Variants in LDLRAD4 observed in about 807,000 individuals in gnomAD.
LDLRAD4 encodes low-density lipoprotein receptor class A domain-containing protein 4.
LDLRAD4 carries 5 observed loss-of-function variants against 17.0 expected under a neutral mutation model. The observed-to-expected ratio is 0.29, with a 90% CI of 0.15 to 0.62. The LOEUF is 0.62. Ranked by LOEUF, LDLRAD4 falls within the 20% of genes least tolerant of loss-of-function variation. The pLI, the probability that LDLRAD4 is intolerant of heterozygous loss-of-function variation, is 0.84. For synonymous variants in LDLRAD4, 168 were observed against 171.8 expected, an observed-to-expected ratio of 0.98 and a Z score of 0.17; for missense variants, 340 against 424.7, an observed-to-expected ratio of 0.80 and a Z score of 1.75.
At position 13,468,311 on chromosome 18, in the gene LDLRAD4, C is replaced by T. The variant is rs560783885; in HGVS notation, c.181+29927C>T. The stretch of plus-strand genomic sequence containing the variant: ...AAAACCCCAATGAGATACCATCCCA[C>T]ACCAGTCAGAATGGCGATCATTAAA... On this transcript the variant is annotated intron_variant, in intron 3 of 5. Transcript: ENST00000359446. Among the ~76,000 whole-genome samples the T allele has an allele frequency of 7.6e-4, 116 of 152,306 alleles. 1 individual carries two copies. The highest frequency in any genetic ancestry group is 2.7e-3 in the African/African-American group (111 of 41,562).
chr18:13,597,659 A>G (rs948052203), intron 3 of LDLRAD4, among the ~76,000 whole-genome samples: 4 of 152,130 alleles, frequency 2.6e-5, no homozygotes, highest in Admixed American at 2.0e-4. Flanking sequence ...TTATCAATCT[A>G]TAAGTTTGCT....
intron 4 of LDLRAD4, among the ~76,000 whole-genome samples, chr18:13,624,062 T>A (rs117961549): frequency 0.012 from 1,884 of 152,230 alleles, 11 homozygotes; most frequent in Middle Eastern, 0.031. Context: ...CAACAAAGAC[T>A]CATCTGTACA....
chr18:13,264,892 G>A (rs1423129735), intron 1 of LDLRAD4, among the ~76,000 whole-genome samples: 1 of 152,178 alleles, frequency 6.6e-6, no homozygotes, highest in Non-Finnish European at 1.5e-5. Context: ...ATTCGCAACT[G>A]GCCTATAAAC....
At chr18:13,640,366 T>C (rs2042440083) in intron 4 of LDLRAD4, among the ~76,000 whole-genome samples, 1 of 151,580 alleles carries the variant, frequency 6.6e-6, no homozygotes, top group Non-Finnish European at 1.5e-5. Flanking sequence ...CCTCCCATTT[T>C]AGATTTTTAA....
intron 1 of LDLRAD4, among the ~76,000 whole-genome samples, chr18:13,324,899 GCTCA>G (rs2081438036): frequency 6.6e-6 from 1 of 152,174 alleles, no homozygotes; most frequent in Admixed American, 6.5e-5. Context: ...TTTGATTTTC[GCTCA>G]CTGAATACAT....
chr18:13,380,515 G>A, intron 1 of LDLRAD4, among the ~76,000 whole-genome samples: 1 of 152,164 alleles, frequency 6.6e-6, no homozygotes. Context: ...ACAGGGGTCG[G>A]ATATATGACT....
intron 3 of LDLRAD4, among the ~76,000 whole-genome samples, chr18:13,505,194 C>G (rs900782533): frequency 6.6e-6 from 1 of 152,226 alleles, no homozygotes; most frequent in Non-Finnish European, 1.5e-5. Flanking sequence ...CAGTTAGATT[C>G]TCCCAGCAGA....
chr18:13,256,103 G>A (rs1281269483), intron 1 of LDLRAD4, among the ~76,000 whole-genome samples: 1 of 152,212 alleles, frequency 6.6e-6, no homozygotes, highest in Non-Finnish European at 1.5e-5. Context: ...AAGACGTGAT[G>A]TAAAGCACTT....
rs145114144 is a variant in LDLRAD4 at position 13,640,024 on chromosome 18, C to T, written c.337-3335C>T. On this transcript the variant is annotated intron_variant, in intron 4 of 5. Coordinates refer to ENST00000359446, the Ensembl canonical transcript of LDLRAD4. ...GAAACTGGCAAGGTGCGGTGGCTCACGCCTGTAATCCCAGCACTTTGGGAG... is the reference window on the plus strand; with the variant it reads ...GAAACTGGCAAGGTGCGGTGGCTCATGCCTGTAATCCCAGCACTTTGGGAG... Among the ~76,000 whole-genome samples the T allele has an allele frequency of 9.1e-3, 1,381 of 152,240 alleles. 24 individuals are homozygous for T. Among genetic ancestry groups the T allele is most frequent in the South Asian group, 0.055 (267 of 4,822 alleles).
chr18:13,456,370 C>T (rs2092134761), intron 3 of LDLRAD4, among the ~76,000 whole-genome samples: 2 of 152,196 alleles, frequency 1.3e-5, no homozygotes, highest in South Asian at 4.1e-4. Context: ...CCTCCTGCTC[C>T]CTGTGCACCT....
At chr18:13,289,321 T>C (rs1415866338) in intron 1 of LDLRAD4, among the ~76,000 whole-genome samples, 1 of 152,208 alleles carries the variant, frequency 6.6e-6, no homozygotes, top group Non-Finnish European at 1.5e-5. Context: ...ACTGAGGAAA[T>C]GAGAGATTAT....
intron 3 of LDLRAD4, among the ~76,000 whole-genome samples, chr18:13,512,454 T>C (rs910746374): frequency 1.3e-5 from 2 of 152,234 alleles, no homozygotes; most frequent in African/African-American, 4.8e-5. Context: ...GTTGTGTGCT[T>C]ACAATGTGGG....
exon 6 of LDLRAD4, chr18:13,648,353 AAT>A (rs1482864905): frequency 6.6e-6 from 1 of 152,242 alleles, no homozygotes; most frequent in Non-Finnish European, 1.5e-5. Flanking sequence ...GCCTTTGTTA[AAT>A]AGTTATTTAA....
At chr18:13,409,997 C>T (rs1046098181) in intron 2 of LDLRAD4, among the ~76,000 whole-genome samples, 30 of 152,184 alleles carry the variant, frequency 2.0e-4, no homozygotes, top group African/African-American at 6.8e-4. Context: ...CCCCAGGGCA[C>T]GACGCACTGA....
At chr18:13,610,604 A>C (rs914538376) in intron 3 of LDLRAD4, among the ~76,000 whole-genome samples, 20 of 152,094 alleles carry the variant, frequency 1.3e-4, no homozygotes, top group African/African-American at 4.3e-4. Flanking sequence ...CCCTAATTTT[A>C]AGAAACAGAC....
intron 3 of LDLRAD4, among the ~76,000 whole-genome samples, chr18:13,563,509 C>CGGAGGGTGAGTCTAG (rs1400117501): frequency 3.9e-5 from 6 of 152,282 alleles, no homozygotes; most frequent in Non-Finnish European, 8.8e-5. Flanking sequence ...TCTTCATTTG[C>CGGAGGGTGAGTCTAG]GGAGGGTGAG....
chr18:13,380,555 A>G (rs2085279182), intron 1 of LDLRAD4, among the ~76,000 whole-genome samples: 1 of 152,196 alleles, frequency 6.6e-6, no homozygotes, highest in Non-Finnish European at 1.5e-5. Flanking sequence ...GCTAGATCAT[A>G]TGAGTCGATA....
At chr18:13,479,974 G>C (rs757864850) in intron 3 of LDLRAD4, among the ~76,000 whole-genome samples, 1 of 152,074 alleles carries the variant, frequency 6.6e-6, no homozygotes, top group Non-Finnish European at 1.5e-5. Flanking sequence ...CATCTATGGC[G>C]GGGGGCAGCC....
At chr18:13,562,507 A>C (rs934505785) in intron 3 of LDLRAD4, among the ~76,000 whole-genome samples, 4 of 152,270 alleles carry the variant, frequency 2.6e-5, no homozygotes, top group African/African-American at 9.6e-5. Flanking sequence ...ATTATTTGAT[A>C]CATGTATATA....
Sources: gnomAD v4.1 joint callset for allele counts (sites outside exome capture counted in the v4.1 genomes callset) on GRCh38, gnomAD v4.1.1 for gene constraint, MANE v1.5 for transcripts, NCBI Gene and HGNC (gene_info 2026-07-23, HGNC 2026-07-21) for gene names.